The following CMTR1 variants were observed in gnomAD, a reference collection of about 807,000 sequenced individuals.
CMTR1 encodes the protein cap methyltransferase 1.
In CMTR1, 39 loss-of-function variants were observed where a neutral mutation model predicts 107.0. That is an observed-to-expected ratio of 0.36 (90% CI 0.28 to 0.48). The LOEUF (loss-of-function observed/expected upper bound fraction) is 0.48. Ranked by LOEUF, CMTR1 falls within the 20% of genes least tolerant of loss-of-function variation. The probability of loss-of-function intolerance (pLI) is 0.99; values close to 1 mark genes in which losing one functional copy is unlikely to be tolerated. For missense variants in CMTR1, 672 were observed against 1,064.9 expected (o/e 0.63, Z 5.14); for synonymous variants, 366 against 379.5 (o/e 0.96, Z 0.41).
chr6:37,479,272 C>T lies in CMTR1; in HGVS notation c.2375+17C>T, dbSNP rs765843679. The T allele has an allele frequency of 2.0e-6, 3 of 1,532,074 alleles. No individual in the cohort carries two copies. The South Asian group carries it at 3.4e-5, about 17-fold the overall frequency. The allele number at this position is 1,532,074 out of a possible 1,614,324, so 94.9% of individuals were successfully genotyped here. A position where few individuals can be genotyped will look rare whatever the true frequency, so the allele number is the denominator to read the frequency against. ...CCCATTTCAGTAAGTAGCTCTCCTC[C>T]AAGCCTGCCCTCCTTAGCAGCCTCA... On this transcript the variant is annotated intron_variant, in intron 23 of 23. Coordinates refer to ENST00000373451, the MANE Select transcript of CMTR1 (RefSeq NM_015050.3).
chr6:37,476,684 A>C (rs1288175093), intron 20 of CMTR1, among the ~76,000 whole-genome samples: 1 of 152,186 alleles, frequency 6.6e-6, no homozygotes, highest in African/African-American at 2.4e-5. Context: ...GAAAGGAGGA[A>C]GAGAACAGAG....
chr6:37,459,585 A>C lies in CMTR1; in HGVS notation c.996A>C (p.Gly332=), dbSNP rs1206793176. 1.2e-6 allele frequency: 2 copies of C among 1,614,114 alleles called. No homozygotes were observed. Among genetic ancestry groups the C allele is most frequent in the Non-Finnish European group, 1.7e-6 (2 of 1,179,958 alleles). Residue 332 remains glycine, a synonymous_variant, in exon 10 of 24, where the codon GGA becomes GGC. Transcript: ENST00000373451. ...TGACAGGTGAGGGTGGGATTGATGG[A>C]GATGGAGATATCACCCGCCCAGAGA... ...EPYYGEGGID[G]DGDITRPENI... is the part of the protein sequence containing the mutation.
the CMTR1 span, among the ~76,000 whole-genome samples, chr6:37,426,234 CTT>C: frequency 6.6e-6 from 1 of 151,880 alleles, no homozygotes; most frequent in Non-Finnish European, 1.5e-5. Context: ...CATCTTAAGA[CTT>C]TTTTTTAAGT....
At position 37,472,448 on chromosome 6, in the gene CMTR1, T is replaced by C; in HGVS notation, c.1650T>C (p.Ser550=). The C allele has an allele frequency of 6.2e-7, 1 of 1,614,216 alleles. No individual in the cohort carries two copies. The highest frequency in any genetic ancestry group is 8.5e-7 in the Non-Finnish European group (1 of 1,180,008). ...CAGACCAGGCTCGTGTGGCTCCTTC[T>C]TCCTCCGACCCTAAATCGAAGTTCT... ...GIPDQARVAP[S]SSDPKSKFFE... Residue 550 remains serine, a synonymous_variant, in exon 16 of 24, where the codon TCT becomes TCC. Coordinates refer to ENST00000373451, the MANE Select transcript of CMTR1 (RefSeq NM_015050.3). The surrounding 1 kb of genome is among the most constrained non-coding windows in gnomAD (Gnocchi z 4.1).
intron 8 of CMTR1, among the ~76,000 whole-genome samples, chr6:37,456,223 G>A (rs1023632946): frequency 6.6e-6 from 1 of 152,180 alleles, no homozygotes; most frequent in Admixed American, 6.5e-5. Flanking sequence ...TGTGACCCCT[G>A]CCACATTACC....
At chr6:37,450,960 G>T (rs1010659195) in intron 5 of CMTR1, among the ~76,000 whole-genome samples, 2 of 152,096 alleles carry the variant, frequency 1.3e-5, no homozygotes, top group African/African-American at 4.8e-5. Flanking sequence ...ACAACAGATT[G>T]AATGAAAAAG....
In CMTR1 at chr6:37,442,301, C is replaced by T. The variant is rs566677379; in HGVS notation, c.134-1698C>T. 9.2e-5 allele frequency among the ~76,000 whole-genome samples: 14 copies of T among 152,282 alleles called. No homozygotes were observed. In the South Asian group the frequency reaches 1.9e-3, roughly 20 times the overall value. On this transcript the variant is annotated intron_variant, in intron 2 of 23. Coordinates refer to ENST00000373451, the MANE Select transcript of CMTR1 (RefSeq NM_015050.3). ...GCTAAATCATAGCCCAGGAGGGCTC[C>T]GTTCTCTGTTAAGATATAGAGATCC...
rs575156948 is a variant in CMTR1, at chr6:37,468,010, C to T, written c.1506-3011C>T. On this transcript the variant is annotated intron_variant, in intron 13 of 23. Transcript: ENST00000373451. ...CTTGGTTGTTTGATTTCTATTTATC[C>T]TGTCTGCTCTTTGTTCCTCTCTTCC... Among the ~76,000 whole-genome samples, 14 of 150,468 alleles carry T rather than the reference C, an allele frequency of 9.3e-5. No homozygotes were observed. In the South Asian group the frequency reaches 3.0e-3, roughly 32 times the overall value.
In CMTR1 at chr6:37,450,293, A is replaced by T; in HGVS notation, c.487A>T (p.Thr163Ser). Residue 163 changes from threonine (T) to serine (S), a missense_variant, in exon 5 of 24, where the codon ACT (threonine) becomes TCT (serine). Physicochemically the swap from Thr to Ser is moderately conservative, Grantham distance 58. Around this residue, in one of 2 missense-constraint regions of CMTR1, gnomAD observed 583 missense variants for 968.4 expected, o/e 0.60. Coordinates refer to ENST00000373451, the MANE Select transcript of CMTR1 (RefSeq NM_015050.3). ...EQVSWFPECT[T>S]EIPDTQEMSD... is the part of the protein sequence containing the mutation. The stretch of plus-strand genomic sequence containing the variant: ...GGTGTCATGGTTTCCAGAATGTACC[A>T]CTGAAATTCCTGACACTCAGGAAAT... 1 of 1,614,106 alleles carries T rather than the reference A, an allele frequency of 6.2e-7. No homozygotes were observed. Among genetic ancestry groups the T allele is most frequent in the South Asian group, 1.1e-5 (1 of 91,084 alleles).
intron 10 of CMTR1, 41 bp from the exon 11 acceptor site, chr6:37,461,508 C>G: frequency 8.6e-7 from 1 of 1,168,446 alleles, no homozygotes; most frequent in Non-Finnish European, 1.3e-6. Flanking sequence ...TAGTCCTTCT[C>G]TTTTCTCTTT....
rs944172096 is a variant in CMTR1, at chr6:37,467,639, G to A, written c.1506-3382G>A. Among the ~76,000 whole-genome samples the A allele has an allele frequency of 9.9e-5, 15 of 152,074 alleles. 1 individual carries two copies. Among genetic ancestry groups the A allele is most frequent in the African/African-American group, 3.1e-4 (13 of 41,406 alleles). ...AATTCTTCAGCTATTTGGGATCTTT[G>A]TTATTAGGCACATGTACATTTAAGA... On this transcript the variant is annotated intron_variant, in intron 13 of 23. Transcript: ENST00000373451.
intron 19 of CMTR1, chr6:37,475,702 C>T: frequency 1.9e-6 from 1 of 531,538 alleles, no homozygotes; most frequent in South Asian, 2.1e-5. Flanking sequence ...AGAGGGTGAC[C>T]TTGCGGGTAG....
chr6:37,451,717 T>G, intron 5 of CMTR1, 89 bp from the exon 6 acceptor site: 2 of 927,014 alleles, frequency 2.2e-6, no homozygotes, highest in Non-Finnish European at 3.5e-6. Context: ...CCCTTCTTGC[T>G]CTACTTACTT....
At chr6:37,475,693 G>C (rs1761722438) in intron 19 of CMTR1, 1 of 542,778 alleles carries the variant, frequency 1.8e-6, no homozygotes, top group Non-Finnish European at 3.3e-6. Context: ...GGTTGAGCAA[G>C]AGGGTGACCT....
chr6:37,453,416 T>G, intron 8 of CMTR1, 104 bp downstream of exon 8: 1 of 1,076,422 alleles, frequency 9.3e-7, no homozygotes. Flanking sequence ...ATTCTGACTG[T>G]GTGATGGAGA....
At chr6:37,471,950 T>C in intron 15 of CMTR1, 46 bp downstream of exon 15, 1 of 1,575,090 alleles carries the variant, frequency 6.3e-7, no homozygotes. Flanking sequence ...AGGGAAGCCA[T>C]AGAGAAGAAT....
intron 18 of CMTR1, 109 bp downstream of exon 18, chr6:37,474,755 C>G: frequency 6.7e-7 from 1 of 1,489,922 alleles, no homozygotes. Context: ...TGGTGGCTGA[C>G]AGGGCCCAGG....
At chr6:37,424,883 T>G in the CMTR1 span, among the ~76,000 whole-genome samples, 1 of 152,092 alleles carries the variant, frequency 6.6e-6, no homozygotes, top group Non-Finnish European at 1.5e-5. Flanking sequence ...GAAGGGCAGA[T>G]TCAGTGGTAA....
chr6:37,480,332 C>T lies in CMTR1; in HGVS notation c.*187C>T, dbSNP rs944218671. ...CAGGCAGGGCCCTGCAGAGAACACT[C>T]ATGTTCCTTCTGGGACACCTGCCTG... is the stretch of plus-strand genomic sequence containing the variant. On this transcript the variant is annotated 3_prime_UTR_variant, in exon 24 of 24. Transcript: ENST00000373451. The T allele has an allele frequency of 4.0e-5, 56 of 1,382,792 alleles. No individual in the cohort carries two copies. In the African/African-American group the frequency reaches 7.2e-4, roughly 18 times the overall value. The allele number at this position is 1,382,792 out of a possible 1,614,324, so 85.7% of individuals were successfully genotyped here.
Sources: allele counts gnomAD v4.1 joint callset (sites outside exome capture counted in the v4.1 genomes callset), GRCh38; gene constraint gnomAD v4.1.1; regional missense constraint gnomAD v4.1.1; non-coding constraint Gnocchi (gnomAD v3.1); transcripts MANE v1.5; gene names NCBI Gene and HGNC (gene_info 2026-07-23, HGNC 2026-07-21).